Variants in OR10W1 observed in about 807,000 individuals in gnomAD.
The protein encoded by OR10W1 is olfactory receptor 10W1.
For synonymous variants in OR10W1, 152 were observed against 151.6 expected (o/e 1.00, Z -0.02); for missense variants, 406 against 365.8 (o/e 1.11, Z -0.90).
At position 58,267,900 on chromosome 11, in the gene OR10W1, T is replaced by A. The variant is rs1279732390; in HGVS notation, c.-42A>T. On this transcript the variant is annotated 5_prime_UTR_variant, in exon 1 of 1. Transcript: ENST00000395079. ...TCCCAGGTAATTGAGCTAACAGTAT[T>A]TCTCTGTGGAGAGCTACAAGTACAG... is the stretch of plus-strand genomic sequence containing the variant. 1 of 1,425,768 alleles carries A rather than the reference T, an allele frequency of 7.0e-7. No individual in the cohort carries two copies. The highest frequency in any genetic ancestry group is 1.7e-5 in the Admixed American group (1 of 57,958). 88.3% of individuals were successfully genotyped at this position (1,425,768 alleles called of 1,614,324 possible).
In OR10W1 at chr11:58,267,997, T is replaced by C; in HGVS notation, c.-139A>G. 1 of 655,316 alleles carries C rather than the reference T, an allele frequency of 1.5e-6. No homozygotes were observed. The allele number at this position is 655,316 out of a possible 1,614,324, so 40.6% of individuals were successfully genotyped here. ...GAATCTAATGTAATCAGCACTGGAG[T>C]TAGAAACTGGAAGGATCAAGACTAG... On this transcript the variant is annotated 5_prime_UTR_variant, in exon 1 of 1. An upstream open reading frame in the 5' UTR loses its in-frame stop. Transcript: ENST00000395079.
chr11:58,267,889 G>A lies in OR10W1; in HGVS notation c.-31C>T, dbSNP rs201521061. 2,222 of 1,519,350 alleles carry A rather than the reference G, an allele frequency of 1.5e-3. 3 individuals carry two copies. The highest frequency in any genetic ancestry group is 3.9e-3 in the Middle Eastern group (23 of 5,838). The allele number at this position is 1,519,350 out of a possible 1,614,324, so 94.1% of individuals were successfully genotyped here. On this transcript the variant is annotated 5_prime_UTR_variant, in exon 1 of 1. Transcript: ENST00000395079. ...CTGAGTGATTTTCCCAGGTAATTGA[G>A]CTAACAGTATTTCTCTGTGGAGAGC...
Position 58,267,863 on chromosome 11 carries a change from A to G in OR10W1, c.-5T>C. 1 of 1,605,934 alleles carries G rather than the reference A, an allele frequency of 6.2e-7. No individual in the cohort carries two copies. Among genetic ancestry groups the G allele is most frequent in the Non-Finnish European group, 8.5e-7 (1 of 1,173,924 alleles). On this transcript the variant is annotated 5_prime_UTR_variant, in exon 1 of 1. Transcript: ENST00000395079. ...GGCCAGGAACACAAATTCCATCAAC[A>G]CTGAGTGATTTTCCCAGGTAATTGA...
At position 58,267,087 on chromosome 11, in the gene OR10W1, T is replaced by G. The variant is rs756011543; in HGVS notation, c.772A>C (p.Asn258His). 3 of 1,614,122 alleles carry G rather than the reference T, an allele frequency of 1.9e-6. No homozygotes were observed. In the South Asian group the frequency reaches 3.3e-5, roughly 18 times the overall value. ...FMYLCPSSSY[N>H]PKQDRFISLV... ...GAGATGAACCGATCTTGCTTGGGGT[T>G]GTAGCTGGAGCTGGGGCACAGGTAC... is the stretch of plus-strand genomic sequence containing the variant. The change falls in exon 1 of 1, where the codon AAC becomes CAC. Residue 258 changes from asparagine to histidine, a missense_variant. Asn to His is a moderately conservative substitution (Grantham distance 68). Transcript: ENST00000395079.
In OR10W1 at chr11:58,267,743, G is replaced by T; in HGVS notation, c.116C>A (p.Ser39Tyr). Residue 39 changes from serine to tyrosine, a missense_variant, in exon 1 of 1, where the codon TCC (serine) becomes TAC (tyrosine). Physicochemically the swap from Ser to Tyr is moderately radical, Grantham distance 144 (BLOSUM62 -2). Transcript: ENST00000395079. ...GCATAGACAGGTTTCTGTGTGAATG[G>T]ACACCACAATGAGAATGTTCCCAGT... is the stretch of plus-strand genomic sequence containing the variant. The part of the protein sequence containing the change: ...IITGNILIVV[S>Y]IHTETCLCTS... 1 of 1,614,110 alleles carries T rather than the reference G, an allele frequency of 6.2e-7. No individual in the cohort carries two copies. Among genetic ancestry groups the T allele is most frequent in the Non-Finnish European group, 8.5e-7 (1 of 1,179,972 alleles).
Position 58,267,553 on chromosome 11 carries a change from A to G in OR10W1, c.306T>C (p.Asp102=). Residue 102 remains aspartate (D), a synonymous_variant, in exon 1 of 1, where the codon GAT becomes GAC. Transcript: ENST00000395079. ...MAFFIALGSA[D]CFLLAAMAYD... is the part of the protein sequence containing the mutation. ...AGGCCATGGCAGCCAAGAGGAAGCA[A>G]TCAGCACTGCCCAGTGCAATGAAGA... 1 of 1,614,190 alleles carries G rather than the reference A, an allele frequency of 6.2e-7. No individual in the cohort carries two copies.
At position 58,267,654 on chromosome 11, in the gene OR10W1, C is replaced by A. The variant is rs761345138; in HGVS notation, c.205G>T (p.Val69Leu). Residue 69 changes from valine to leucine, a missense_variant, in exon 1 of 1, where the codon GTG becomes TTG. Val to Leu is a conservative substitution (Grantham distance 32, BLOSUM62 1). Transcript: ENST00000395079. The stretch of plus-strand genomic sequence containing the variant: ...AGGGTGTTGGCCAGGATATGGGGCA[C>A]CACCACTGCAGTGTAGCATATTTCA... ...GIEICYTAVV[V>L]PHILANTLQS... The A allele has an allele frequency of 6.2e-7, 1 of 1,614,082 alleles. No individual in the cohort carries two copies. The highest frequency in any genetic ancestry group is 2.2e-5 in the East Asian group (1 of 44,874).
At position 58,267,042 on chromosome 11, in the gene OR10W1, T is replaced by C. The variant is rs1427962663; in HGVS notation, c.817A>G (p.Thr273Ala). Residue 273 changes from threonine to alanine, a missense_variant, in exon 1 of 1, where the codon ACC becomes GCC. Physicochemically the swap from Thr to Ala is moderately conservative, Grantham distance 58. Coordinates refer to ENST00000395079, the MANE Select transcript of OR10W1 (RefSeq NM_207374.3). The stretch of plus-strand genomic sequence containing the variant: ...TAGATAAGTGGGTTGAGCAGTGGGG[T>C]TCCCAATGTGTACACCAGTGAGATG... ...RFISLVYTLG[T>A]PLLNPLIYAL... The C allele has an allele frequency of 6.2e-7, 1 of 1,613,896 alleles. No homozygotes were observed. Among genetic ancestry groups the C allele is most frequent in the Non-Finnish European group, 8.5e-7 (1 of 1,179,924 alleles).
rs1405606385 is a variant in OR10W1 at position 58,268,075 on chromosome 11, C to T, written c.-217G>A. On this transcript the variant is annotated 5_prime_UTR_variant, in exon 1 of 1. Coordinates refer to ENST00000395079, the MANE Select transcript of OR10W1 (RefSeq NM_207374.3). Reference sequence around the variant, plus strand: ...AGTTTCTCCACATTAATATCTACACCTCAATTTCTACCTGCCAAGAGTTGG... The same window carrying T: ...AGTTTCTCCACATTAATATCTACACTTCAATTTCTACCTGCCAAGAGTTGG... 1.8e-6 allele frequency: 1 copy of T among 542,684 alleles called. No homozygotes were observed. The highest frequency in any genetic ancestry group is 3.4e-6 in the Non-Finnish European group (1 of 296,746). The allele number at this position is 542,684 out of a possible 1,614,324, so 33.6% of individuals were successfully genotyped here. A position where few individuals can be genotyped will look rare whatever the true frequency, so the allele number is the denominator to read the frequency against.
In OR10W1 at chr11:58,267,163, G is replaced by A. The variant is rs61998229; in HGVS notation, c.696C>T (p.Cys232=). The A allele has an allele frequency of 5.0e-5, 81 of 1,614,194 alleles. No individual in the cohort carries two copies. The highest frequency in any genetic ancestry group is 8.3e-5 in the Admixed American group (5 of 60,030). ...AAGRHRAFST[C]SSHLTVVLLQ... ...GCAGCACCACAGTGAGGTGGGAAGA[G>A]CAGGTGGAGAAGGCCCGGTGGCGGC... The change falls in exon 1 of 1, where the codon TGC becomes TGT. Residue 232 remains cysteine, a synonymous_variant. Transcript: ENST00000395079.
chr11:58,268,025 C>G lies in OR10W1; in HGVS notation c.-167G>C. The G allele has an allele frequency of 1.6e-6, 1 of 609,188 alleles. No individual in the cohort carries two copies. The highest frequency in any genetic ancestry group is 1.9e-5 in the African/African-American group (1 of 54,032). The allele number at this position is 609,188 out of a possible 1,614,324, so 37.7% of individuals were successfully genotyped here. A position where few individuals can be genotyped will look rare whatever the true frequency, so the allele number is the denominator to read the frequency against. ...GAAACTGGAAGGATCAAGACTAGTT[C>G]TTTTTCTTTTCTCCACTTTTACCAA... On this transcript the variant is annotated 5_prime_UTR_variant, in exon 1 of 1. Transcript: ENST00000395079.
In OR10W1 at chr11:58,267,405, C is replaced by T. The variant is rs201105807; in HGVS notation, c.454G>A (p.Ala152Thr). 3.0e-5 allele frequency: 49 copies of T among 1,613,634 alleles called. 1 individual carries two copies. In the East Asian group the frequency reaches 1.0e-3, roughly 35 times the overall value. ...CAGAATGGCAGAGAGAAGATGAAGG[C>T]CACCAGTTGTAAGGACAGGAACAGA... ...SGLFLSLQLVAFIFSLPFCQA... is the reference protein window; with the variant it reads ...SGLFLSLQLVTFIFSLPFCQA... Residue 152 changes from alanine to threonine, a missense_variant, in exon 1 of 1, where the codon GCC becomes ACC. By Grantham distance (58) the Ala-to-Thr change is moderately conservative. Transcript: ENST00000395079.
Position 58,267,462 on chromosome 11 carries a change from C to T in OR10W1, c.397G>A (p.Val133Ile). 1.9e-6 allele frequency: 3 copies of T among 1,613,890 alleles called. No individual in the cohort carries two copies. Among genetic ancestry groups the T allele is most frequent in the African/African-American group, 1.3e-5 (1 of 75,024 alleles). Residue 133 changes from valine (V) to isoleucine (I), a missense_variant, in exon 1 of 1, where the codon GTC (valine) becomes ATC (isoleucine). Transcript: ENST00000395079. Reference sequence around the variant, plus strand: ...ATGACTGATGCCACAACCAAGTGGACACAAAGAGTCAATGTCATGAGGAGA... The same window carrying T: ...ATGACTGATGCCACAACCAAGTGGATACAAAGAGTCAATGTCATGAGGAGA... ...YPLLMTLTLC[V>I]HLVVASVISG...
Position 58,267,189 on chromosome 11 carries a change from C to T in OR10W1, c.670G>A (p.Gly224Ser). ...CAGGTGGAGAAGGCCCGGTGGCGGC[C>T]AGCAGCCGAGTGGATCTTGAGCAGA... ...AALLKIHSAA[G>S]RHRAFSTCSS... Residue 224 changes from glycine (G) to serine (S), a missense_variant, in exon 1 of 1, where the codon GGC becomes AGC. Physicochemically the swap from Gly to Ser is moderately conservative, Grantham distance 56. Coordinates refer to ENST00000395079, the MANE Select transcript of OR10W1 (RefSeq NM_207374.3). 1 of 1,614,148 alleles carries T rather than the reference C, an allele frequency of 6.2e-7. No individual in the cohort carries two copies. Among genetic ancestry groups the T allele is most frequent in the Non-Finnish European group, 8.5e-7 (1 of 1,180,020 alleles).
rs1853555786 is a variant in OR10W1, at chr11:58,267,306, T to C, written c.553A>G (p.Ile185Val). The C allele has an allele frequency of 8.1e-6, 13 of 1,614,078 alleles. No homozygotes were observed. In the East Asian group the frequency reaches 2.9e-4, roughly 36 times the overall value. The change falls in exon 1 of 1, where the codon ATT becomes GTT. Residue 185 changes from isoleucine to valine, a missense_variant. By Grantham distance (29) the Ile-to-Val change is conservative. Transcript: ENST00000395079. ...VMHVVCAQSH[I>V]HEQSVLVAAI... ...GCCACCAGCACTGACTGCTCATGAA[T>C]GTGACTCTGAGCACAAACAACATGC...
At position 58,267,531 on chromosome 11, in the gene OR10W1, C is replaced by T. The variant is rs1461266132; in HGVS notation, c.328G>A (p.Ala110Thr). ...SADCFLLAAM[A>T]YDRYVAICHP... Reference sequence around the variant, plus strand: ...CAAATGGCCACATAGCGGTCATAGGCCATGGCAGCCAAGAGGAAGCAATCA... The same window carrying T: ...CAAATGGCCACATAGCGGTCATAGGTCATGGCAGCCAAGAGGAAGCAATCA... Residue 110 changes from alanine (A) to threonine (T), a missense_variant, in exon 1 of 1, where the codon GCC becomes ACC. By Grantham distance (58) the Ala-to-Thr change is moderately conservative (BLOSUM62 0). Transcript: ENST00000395079. The T allele has an allele frequency of 1.9e-6, 3 of 1,614,118 alleles. No homozygotes were observed. The highest frequency in any genetic ancestry group is 2.5e-6 in the Non-Finnish European group (3 of 1,180,014).
At position 58,267,066 on chromosome 11, in the gene OR10W1, T is replaced by A. The variant is rs540952884; in HGVS notation, c.793A>T (p.Ile265Phe). The A allele has an allele frequency of 6.2e-7, 1 of 1,614,092 alleles. No individual in the cohort carries two copies. The highest frequency in any genetic ancestry group is 1.7e-5 in the Admixed American group (1 of 60,000). ...GTTCCCAATGTGTACACCAGTGAGA[T>A]GAACCGATCTTGCTTGGGGTTGTAG... The part of the protein sequence containing the change: ...SSYNPKQDRF[I>F]SLVYTLGTPL... The change falls in exon 1 of 1, where the codon ATC (isoleucine) becomes TTC (phenylalanine). Residue 265 changes from isoleucine to phenylalanine, a missense_variant. Ile to Phe is a conservative substitution (Grantham distance 21, BLOSUM62 0). Transcript: ENST00000395079.
In OR10W1 at chr11:58,266,999, T is replaced by C. The variant is rs1322965421; in HGVS notation, c.860A>G (p.Glu287Gly). 6.2e-7 allele frequency: 1 copy of C among 1,603,086 alleles called. No homozygotes were observed. Among genetic ancestry groups the C allele is most frequent in the Non-Finnish European group, 8.5e-7 (1 of 1,172,910 alleles). The part of the protein sequence containing the change: ...NPLIYALRNS[E>G]MKGAVGRVLT... ...AACTCTCCCTACGGCCCCTTTCATC[T>C]CACTGTTCCTCAGGGCATAGATAAG... Residue 287 changes from glutamate (E) to glycine (G), a missense_variant, in exon 1 of 1, where the codon GAG becomes GGG. Transcript: ENST00000395079.
At position 58,266,971 on chromosome 11, in the gene OR10W1, A is replaced by G. The variant is rs754340110; in HGVS notation, c.888T>C (p.Leu296=). ...TGTTCTGGGAAAGGCAGTTCCTGGT[A>G]AGAACTCTCCCTACGGCCCCTTTCA... ...SEMKGAVGRV[L]TRNCLSQNS is the part of the protein sequence containing the mutation. Residue 296 remains leucine (L), a synonymous_variant, in exon 1 of 1, where the codon CTT becomes CTC. Coordinates refer to ENST00000395079, the MANE Select transcript of OR10W1 (RefSeq NM_207374.3). 13 of 1,570,076 alleles carry G rather than the reference A, an allele frequency of 8.3e-6. No individual in the cohort carries two copies. The South Asian group carries it at 1.4e-4, about 17-fold the overall frequency.
Sources: allele counts gnomAD v4.1 joint callset, GRCh38; gene constraint gnomAD v4.1.1; transcripts MANE v1.5; gene names NCBI Gene and HGNC (gene_info 2026-07-23, HGNC 2026-07-21).